Variants in KIAA1217 observed in about 807,000 individuals in gnomAD.
KIAA1217 encodes KIAA1217, also known as sickle tail protein homolog.
In KIAA1217, 88 loss-of-function variants were observed where a neutral mutation model predicts 163.9. The observed-to-expected ratio is 0.54, with a 90% CI of 0.45 to 0.64. The LOEUF (loss-of-function observed/expected upper bound fraction) is 0.64. Among genes scored for constraint, KIAA1217 ranks in the 30% least tolerant of loss-of-function variants. KIAA1217 has a pLI of 0.00. For missense variants in KIAA1217, 2,372 were observed against 2,475.0 expected, an observed-to-expected ratio of 0.96 and a Z score of 0.88; for synonymous variants, 903 against 923.1, an observed-to-expected ratio of 0.98 and a Z score of 0.39.
chr10:24,141,235 C>CCG lies in KIAA1217; in HGVS notation c.-170-78390_-170-78389insGC, dbSNP rs986704156. Reference sequence around the variant, plus strand: ...TCAGAGAAAGAATAAACCCCCCCCCCCCATTTCTCTCTTCTTTCCTTTTCT... The same window carrying CCG: ...TCAGAGAAAGAATAAACCCCCCCCCCCGCCATTTCTCTCTTCTTTCCTTTTCT... On this transcript the variant is annotated intron_variant, in intron 2 of 18. Coordinates refer to the KIAA1217 transcript ENST00000376462. 5.2e-5 allele frequency among the ~76,000 whole-genome samples: 7 copies of CCG among 135,204 alleles called. 1 individual carries two copies. Among genetic ancestry groups the CCG allele is most frequent in the Non-Finnish European group, 1.1e-4 (7 of 61,940 alleles). The allele number at this position is 135,204 out of a possible 152,430, so 88.7% of individuals were successfully genotyped here. A position where few individuals can be genotyped will look rare whatever the true frequency, so the allele number is the denominator to read the frequency against.
intron 2 of KIAA1217, among the ~76,000 whole-genome samples, chr10:24,166,253 G>C (rs1304409878): frequency 6.6e-6 from 1 of 151,974 alleles, no homozygotes; most frequent in African/African-American, 2.4e-5. Context: ...GTTTCTGAGT[G>C]GGCGTACAAC....
intron 13 of KIAA1217, among the ~76,000 whole-genome samples, chr10:24,526,961 CAATTCTTAG>C (rs2072282546): frequency 6.6e-6 from 1 of 152,128 alleles, no homozygotes; most frequent in Non-Finnish European, 1.5e-5. Context: ...TGATCTTTGC[CAATTCTTAG>C]GTTATAAGGT....
chr10:23,851,275 G>A (rs1440644876), intron 1 of KIAA1217, among the ~76,000 whole-genome samples: 1 of 151,892 alleles, frequency 6.6e-6, no homozygotes, highest in African/African-American at 2.4e-5. Context: ...TTGGTTTTTT[G>A]TCCTTGCGAT....
chr10:24,142,245 C>A (rs1327932169), intron 2 of KIAA1217, among the ~76,000 whole-genome samples: 1 of 152,110 alleles, frequency 6.6e-6, no homozygotes, highest in Non-Finnish European at 1.5e-5. Context: ...CCAAACATAC[C>A]TACGAGTTTT....
At position 24,260,186 on chromosome 10, in the gene KIAA1217, A is replaced by G. The variant is rs932745310; in HGVS notation, c.354+40277A>G. 1.1e-4 allele frequency among the ~76,000 whole-genome samples: 17 copies of G among 152,160 alleles called. 1 individual carries two copies. The highest frequency in any genetic ancestry group is 7.3e-5 in the Non-Finnish European group (5 of 68,042). On this transcript the variant is annotated intron_variant, in intron 2 of 20. Transcript: ENST00000376454. ...TAAGCTTGGATTTTGTGTGCATGCC[A>G]TGCTAGCTCAAAAAACAAAGTTGAG... is the stretch of plus-strand genomic sequence containing the variant.
At chr10:24,281,961 G>A (rs11014004) in intron 2 of KIAA1217, among the ~76,000 whole-genome samples, 9,043 of 152,094 alleles carry the variant, frequency 0.059, 337 homozygotes, top group African/African-American at 0.11. Flanking sequence ...GGAGGCTGAG[G>A]CAGGAGAATG....
At chr10:24,150,585 A>G (rs1029734600) in intron 2 of KIAA1217, among the ~76,000 whole-genome samples, 4 of 152,170 alleles carry the variant, frequency 2.6e-5, no homozygotes, top group African/African-American at 9.7e-5. Context: ...GATAGAGTGT[A>G]AGTATTAGAG....
At chr10:24,349,964 TG>T (rs2048256863) in intron 2 of KIAA1217, among the ~76,000 whole-genome samples, 1 of 152,100 alleles carries the variant, frequency 6.6e-6, no homozygotes, top group South Asian at 2.1e-4. Context: ...GAGGTGGAGT[TG>T]GGACAGGAAT....
At chr10:23,832,589 G>A (rs1838262646) in intron 1 of KIAA1217, among the ~76,000 whole-genome samples, 1 of 152,072 alleles carries the variant, frequency 6.6e-6, no homozygotes. Context: ...CCCCATCCTA[G>A]GGGCTCCCAG....
chr10:24,292,822 G>C (rs1036477748), intron 2 of KIAA1217, among the ~76,000 whole-genome samples: 1 of 151,976 alleles, frequency 6.6e-6, no homozygotes, highest in Non-Finnish European at 1.5e-5. Flanking sequence ...GCTACTTGAA[G>C]TTCTTCATGG....
chr10:23,838,861 A>G (rs1838623793), intron 1 of KIAA1217, among the ~76,000 whole-genome samples: 1 of 152,170 alleles, frequency 6.6e-6, no homozygotes, highest in Non-Finnish European at 1.5e-5. Context: ...TTAAATTCAC[A>G]AGTATTCTAT....
Position 23,793,565 on chromosome 10 carries a change from C to T in KIAA1217, c.-321+98331C>T, listed in dbSNP as rs188549329. 5.0e-3 allele frequency among the ~76,000 whole-genome samples: 717 copies of T among 144,362 alleles called. 2 individuals are homozygous for T. The highest frequency in any genetic ancestry group is 0.02 in the African/African-American group (691 of 34,122). 94.7% of individuals were successfully genotyped at this position (144,362 alleles called of 152,430 possible). On this transcript the variant is annotated intron_variant, in intron 1 of 18. Coordinates refer to the KIAA1217 transcript ENST00000376462. ...TCAATGAAAATGTAGTACAATTAAA[C>T]GTACTTCTACTGAGCACATTTTTGG...
chr10:23,900,706 C>T (rs976778443), intron 1 of KIAA1217, among the ~76,000 whole-genome samples: 3 of 152,134 alleles, frequency 2.0e-5, no homozygotes, highest in African/African-American at 7.2e-5. Flanking sequence ...TCTGGGTTAC[C>T]TCTAAGGTAC....
intron 2 of KIAA1217, among the ~76,000 whole-genome samples, chr10:24,027,860 A>G (rs770548996): frequency 6.6e-6 from 1 of 152,156 alleles, no homozygotes. Context: ...ATAATGAGTC[A>G]GATTTGCACA....
chr10:23,821,467 G>C (rs1837618570), intron 1 of KIAA1217, among the ~76,000 whole-genome samples: 1 of 152,184 alleles, frequency 6.6e-6, no homozygotes. Context: ...TTTTCTAAGA[G>C]AGGCATGGAA....
At chr10:24,507,862 G>T (rs1748333178) in intron 9 of KIAA1217, among the ~76,000 whole-genome samples, 1 of 152,092 alleles carries the variant, frequency 6.6e-6, no homozygotes, top group African/African-American at 2.4e-5. Flanking sequence ...GCAGCTGGGG[G>T]TGGAGAGAAA....
intron 1 of KIAA1217, among the ~76,000 whole-genome samples, chr10:23,743,066 C>A (rs1303662378): frequency 6.6e-6 from 1 of 152,098 alleles, no homozygotes; most frequent in Non-Finnish European, 1.5e-5. Context: ...ACTAGCACCA[C>A]TGAAGCAGTG....
chr10:23,730,524 A>G (rs541462996), intron 1 of KIAA1217, among the ~76,000 whole-genome samples: 4 of 152,250 alleles, frequency 2.6e-5, no homozygotes, highest in Non-Finnish European at 5.9e-5. Flanking sequence ...GTTCATATCT[A>G]CAAAATAATT....
chr10:23,728,993 C>T (rs758687078), intron 1 of KIAA1217, among the ~76,000 whole-genome samples: 2 of 152,220 alleles, frequency 1.3e-5, no homozygotes, highest in Non-Finnish European at 2.9e-5. Context: ...GACCTTTTTA[C>T]TGTCTCCATA....
Sources: allele counts gnomAD v4.1 joint callset (sites outside exome capture counted in the v4.1 genomes callset), GRCh38; gene constraint gnomAD v4.1.1; transcripts MANE v1.5; gene names NCBI Gene and HGNC (gene_info 2026-07-23, HGNC 2026-07-21).